TMEM232: variants seen among roughly 807,000 people sequenced by gnomAD.
TMEM232 encodes the protein transmembrane protein 232.
In TMEM232, 80 loss-of-function variants were observed where a neutral mutation model predicts 78.8. The ratio of observed to expected loss-of-function variants is 1.01; its 90% confidence interval spans 0.85 to 1.22. The LOEUF is 1.22. Among genes scored for constraint, TMEM232 ranks in the 50% most tolerant of loss-of-function variants. TMEM232 has a pLI of 0.00. For synonymous variants in TMEM232, 297 were observed against 254.3 expected (o/e 1.17, Z -1.60); for missense variants, 881 against 742.2 (o/e 1.19, Z -2.17).
chr5:110,666,812 G>A (rs931618140), intron 2 of TMEM232: 4 of 154,048 alleles, frequency 2.6e-5, no homozygotes, highest in African/African-American at 9.7e-5. Context: ...CTTTGTGAAA[G>A]TTCTTTTCAA....
In TMEM232 at chr5:110,670,945, G is replaced by A. The variant is rs147749219; in HGVS notation, c.-12-3581C>T. On this transcript the variant is annotated intron_variant, in intron 1 of 13. Coordinates refer to ENST00000455884, the MANE Select transcript of TMEM232 (RefSeq NM_001039763.4). ...AATAAATGTTGCAAATTTGACAAGT[G>A]CTTATTGTGAATTATAAAAAAAATA... 2.0e-3 allele frequency among the ~76,000 whole-genome samples: 308 copies of A among 152,028 alleles called. 1 individual carries two copies. Among genetic ancestry groups the A allele is most frequent in the African/African-American group, 7.0e-3 (291 of 41,458 alleles).
intron 5 of TMEM232, among the ~76,000 whole-genome samples, chr5:110,632,045 C>T (rs1785198894): frequency 6.6e-6 from 1 of 151,980 alleles, no homozygotes; most frequent in South Asian, 2.1e-4. Context: ...CAAAGACTAA[C>T]CCATCTGGAA....
At chr5:110,508,931 T>G (rs538946098) in intron 12 of TMEM232, among the ~76,000 whole-genome samples, 29 of 135,716 alleles carry the variant, frequency 2.1e-4, no homozygotes, top group African/African-American at 7.4e-4. Context: ...TATATATAAT[T>G]ATATATATAC....
At chr5:110,729,260 T>C (rs911486773), upstream of TMEM232, among the ~76,000 whole-genome samples, 10 of 152,212 alleles carry the variant, frequency 6.6e-5, no homozygotes, top group African/African-American at 2.4e-4. Flanking sequence ...CCTAAACATA[T>C]CATGAGCTCT....
chr5:110,590,312 G>C (rs563061515), intron 10 of TMEM232, among the ~76,000 whole-genome samples: 1 of 152,046 alleles, frequency 6.6e-6, no homozygotes, highest in East Asian at 1.9e-4. Context: ...AGATAAACAG[G>C]GGTCCCCAAA....
intron 11 of TMEM232, among the ~76,000 whole-genome samples, chr5:110,547,936 T>G (rs909109993): frequency 1.4e-5 from 2 of 144,356 alleles, no homozygotes; most frequent in African/African-American, 5.2e-5. Context: ...AGGCGAAGGT[T>G]GCAGTGAGCT....
intron 10 of TMEM232, among the ~76,000 whole-genome samples, chr5:110,591,558 T>A (rs1238842201): frequency 6.6e-6 from 1 of 152,196 alleles, no homozygotes; most frequent in African/African-American, 2.4e-5. Flanking sequence ...TAACCTTTAC[T>A]GGGCCTTTAC....
chr5:110,403,129 C>G (rs1755665597), intron 2 of TMEM232, among the ~76,000 whole-genome samples: 1 of 152,056 alleles, frequency 6.6e-6, no homozygotes, highest in African/African-American at 2.4e-5. Flanking sequence ...GCTACATTCC[C>G]TACAAAAAGG....
At chr5:110,729,044 C>T (rs1242775208), upstream of TMEM232, among the ~76,000 whole-genome samples, 2 of 151,910 alleles carry the variant, frequency 1.3e-5, no homozygotes, top group Non-Finnish European at 2.9e-5. Context: ...GCCACCACGC[C>T]TGGGTAATTT....
At chr5:110,415,706 A>C (rs1310428568), downstream of TMEM232, among the ~76,000 whole-genome samples, 1 of 152,040 alleles carries the variant, frequency 6.6e-6, no homozygotes, top group East Asian at 1.9e-4. Flanking sequence ...CTAGAGCTAG[A>C]GATTAACCGA....
Position 110,694,042 on chromosome 5 carries a change from C to T in TMEM232, c.-12-26678G>A, listed in dbSNP as rs190835654. 5.1e-4 allele frequency among the ~76,000 whole-genome samples: 78 copies of T among 151,958 alleles called. 1 individual carries two copies. The highest frequency in any genetic ancestry group is 6.6e-4 in the Admixed American group (10 of 15,262). ...TTGAAATGAAGGAAAAAATGTTAAG[C>T]GCAACCACAGAGAAAGGTCGGGATA... On this transcript the variant is annotated intron_variant, in intron 1 of 13. Transcript: ENST00000455884.
intron 8 of TMEM232, among the ~76,000 whole-genome samples, chr5:110,606,965 T>C (rs1236533211): frequency 1.3e-5 from 2 of 151,966 alleles, no homozygotes; most frequent in African/African-American, 2.4e-5. Context: ...AAAATTACTT[T>C]GGTCATAGCT....
intron 12 of TMEM232, among the ~76,000 whole-genome samples, chr5:110,526,133 C>T (rs1359305015): frequency 6.7e-6 from 1 of 149,712 alleles, no homozygotes; most frequent in Non-Finnish European, 1.5e-5. Flanking sequence ...TTGTCAAATT[C>T]TGTCATTTTT....
At chr5:110,532,101 A>G (rs1407181892) in intron 11 of TMEM232, among the ~76,000 whole-genome samples, 3 of 152,234 alleles carry the variant, frequency 2.0e-5, no homozygotes, top group Non-Finnish European at 2.9e-5. Context: ...CTCCTCCCCC[A>G]GGAGCTTGCT....
chr5:110,684,953 G>C (rs931938710), intron 1 of TMEM232: 1 of 151,994 alleles, frequency 6.6e-6, no homozygotes, highest in Non-Finnish European at 1.5e-5. Context: ...TTGATCACAT[G>C]CTAGCTTAGA....
intron 1 of TMEM232, among the ~76,000 whole-genome samples, chr5:110,674,929 G>C (rs746970737): frequency 7.2e-5 from 11 of 152,190 alleles, no homozygotes; most frequent in Non-Finnish European, 1.3e-4. Context: ...CAGAAAGGTA[G>C]AACTGTTGGA....
At chr5:110,701,296 C>G (rs1010818168) in intron 1 of TMEM232, among the ~76,000 whole-genome samples, 2 of 151,818 alleles carry the variant, frequency 1.3e-5, no homozygotes, top group Non-Finnish European at 2.9e-5. Flanking sequence ...ATTTTAGTGG[C>G]CAATACAAGT....
intron 10 of TMEM232, among the ~76,000 whole-genome samples, chr5:110,579,329 C>T (rs905106217): frequency 6.7e-6 from 1 of 150,036 alleles, no homozygotes. Flanking sequence ...ACTAGAATTG[C>T]CTTACAACAA....
chr5:110,390,189 G>A (rs1755129174), intron 4 of TMEM232, among the ~76,000 whole-genome samples: 1 of 152,126 alleles, frequency 6.6e-6, no homozygotes, highest in Non-Finnish European at 1.5e-5. Flanking sequence ...TTCCATGAGT[G>A]TTATTTCTCT....
Sources: gnomAD v4.1 joint callset for allele counts (sites outside exome capture counted in the v4.1 genomes callset) on GRCh38, gnomAD v4.1.1 for gene constraint, MANE v1.5 for transcripts, NCBI Gene and HGNC (gene_info 2026-07-23, HGNC 2026-07-21) for gene names.